The following COL5A2 variants were observed in gnomAD, a reference collection of about 807,000 sequenced individuals.
COL5A2 encodes collagen type V alpha 2 chain, also known as collagen alpha-2(V) chain.
Under a neutral mutation model 208.2 loss-of-function variants are expected in COL5A2, and 23 were observed. The ratio of observed to expected loss-of-function variants is 0.11; its 90% CI spans 0.08 to 0.16. The LOEUF is 0.16. COL5A2 is among the 10% of genes least tolerant of loss of function. The probability of loss-of-function intolerance (pLI) is 1.00; values close to 1 mark genes in which losing one functional copy is unlikely to be tolerated. For synonymous variants in COL5A2, 625 were observed against 628.5 expected, an observed-to-expected ratio of 0.99 and a Z score of 0.08; for missense variants, 1,590 against 1,956.4, an observed-to-expected ratio of 0.81 and a Z score of 3.53.
Position 189,058,433 on chromosome 2 carries a change from G to A in COL5A2, c.2225C>T (p.Pro742Leu), listed in dbSNP as rs370064453. Residue 742 changes from proline (P) to leucine (L), a missense_variant, in exon 33 of 54, where the codon CCA (proline) becomes CTA (leucine). Pro to Leu is a moderately conservative substitution (Grantham distance 98, BLOSUM62 -3). Coordinates refer to ENST00000374866, the MANE Select transcript of COL5A2 (RefSeq NM_000393.5). Reference protein sequence around the residue: ...GMAGGHGPDGPKGSPGPSGTP... With the variant: ...GMAGGHGPDGLKGSPGPSGTP... ...TGAGATCACTATGACACTTACTTTTGGGCCATCAGGACCATGTCCTCCAGC... is the reference window on the plus strand; with the variant it reads ...TGAGATCACTATGACACTTACTTTTAGGCCATCAGGACCATGTCCTCCAGC... The A allele has an allele frequency of 5.0e-6, 8 of 1,612,678 alleles. No individual in the cohort carries two copies. In the African/African-American group the frequency reaches 8.0e-5, roughly 16 times the overall value.
intron 6 of COL5A2, chr2:189,094,984 G>C (rs907754641): frequency 2.6e-5 from 4 of 151,962 alleles, no homozygotes; most frequent in South Asian, 2.1e-4. Context: ...AATTGTATGG[G>C]GGATGGCAGT....
chr2:189,077,978 A>G (rs901002682), intron 16 of COL5A2, among the ~76,000 whole-genome samples: 1 of 152,232 alleles, frequency 6.6e-6, no homozygotes, highest in Non-Finnish European at 1.5e-5. Context: ...TATGCCTCCT[A>G]TACAGGTTCA....
chr2:189,252,601 A>G, the COL5A2 span, among the ~76,000 whole-genome samples: 1 of 149,568 alleles, frequency 6.7e-6, no homozygotes, highest in Non-Finnish European at 1.5e-5. Context: ...ATCACACACC[A>G]GGGCCTGTTG....
intron 1 of COL5A2, among the ~76,000 whole-genome samples, chr2:189,194,169 A>G (rs1478158999): frequency 6.6e-6 from 1 of 152,186 alleles, no homozygotes; most frequent in Non-Finnish European, 1.5e-5. Context: ...TTAAGAGTAC[A>G]AAGGGCTCCT....
the COL5A2 span, among the ~76,000 whole-genome samples, chr2:189,307,871 C>CTT: frequency 2.0e-5 from 3 of 152,158 alleles, no homozygotes; most frequent in Admixed American, 1.3e-4. Context: ...TGCCCATGAT[C>CTT]TTTTTTATCC....
At chr2:189,343,691 C>G in the COL5A2 span, among the ~76,000 whole-genome samples, 1 of 152,122 alleles carries the variant, frequency 6.6e-6, no homozygotes, top group South Asian at 2.1e-4. Flanking sequence ...CTGAGAATAT[C>G]AGGTGTTCAT....
chr2:189,054,362 T>C (rs903943445), intron 35 of COL5A2, 150 bp from the exon 36 acceptor site: 3 of 638,452 alleles, frequency 4.7e-6, no homozygotes, highest in African/African-American at 1.8e-5. Context: ...ATATAATCTA[T>C]ATATTTTCAA....
chr2:189,045,319 T>C (rs1685642378), intron 46 of COL5A2, 87 bp from the exon 47 acceptor site: 14 of 805,992 alleles, frequency 1.7e-5, no homozygotes, highest in East Asian at 2.6e-5. Flanking sequence ...AATACGTTTA[T>C]AGTTGGATGC....
chr2:189,137,228 G>A (rs1011420211), intron 1 of COL5A2, among the ~76,000 whole-genome samples: 5 of 152,114 alleles, frequency 3.3e-5, no homozygotes, highest in African/African-American at 1.2e-4. Context: ...GTCTTTTATA[G>A]GAAATGACAA....
the COL5A2 span, among the ~76,000 whole-genome samples, chr2:189,377,423 C>T: frequency 6.6e-6 from 1 of 152,124 alleles, no homozygotes; most frequent in African/African-American, 2.4e-5. Flanking sequence ...GACTATTAAT[C>T]TCCCATAAAC....
chr2:189,211,721 A>G, intron 1 of COL5A2, among the ~76,000 whole-genome samples: 1 of 152,232 alleles, frequency 6.6e-6, no homozygotes, highest in East Asian at 1.9e-4. Flanking sequence ...ATTAAAAATG[A>G]AAATACTCAG....
At chr2:189,418,166 GA>G in the COL5A2 span, among the ~76,000 whole-genome samples, 1 of 151,528 alleles carries the variant, frequency 6.6e-6, no homozygotes, top group South Asian at 2.1e-4. Flanking sequence ...TGTAAAAGAA[GA>G]AAAAAAATGA....
chr2:189,318,608 C>T, the COL5A2 span, among the ~76,000 whole-genome samples: 2 of 152,152 alleles, frequency 1.3e-5, no homozygotes, highest in Non-Finnish European at 2.9e-5. Flanking sequence ...ATTAATAGTA[C>T]CTGATAGGTA....
At chr2:189,230,183 T>C (rs1689462784), upstream of COL5A2, among the ~76,000 whole-genome samples, 1 of 151,656 alleles carries the variant, frequency 6.6e-6, no homozygotes, top group Non-Finnish European at 1.5e-5. Flanking sequence ...CAAAAATCAA[T>C]GAAAAATTGA....
At chr2:189,133,114 C>CTTTTTTTTTTTTTTTTTTTT (rs751457732) in intron 1 of COL5A2, 1 of 63,428 alleles carries the variant, frequency 1.6e-5, no homozygotes, top group Non-Finnish European at 3.1e-5. Flanking sequence ...CCAAGTACGA[C>CTTTTTTTTTTTTTTTTTTTT]TTTTTTTTTT....
At chr2:189,400,898 A>G in the COL5A2 span, among the ~76,000 whole-genome samples, 2 of 152,228 alleles carry the variant, frequency 1.3e-5, no homozygotes, top group African/African-American at 2.4e-5. Context: ...TCGTATCCTT[A>G]TAATTCACTA....
At position 189,035,072 on chromosome 2, in the gene COL5A2, C is replaced by T. The variant is rs78870279; in HGVS notation, c.4197G>A (p.Gln1399=). 642 of 1,613,782 alleles carry T rather than the reference C, an allele frequency of 4.0e-4. 1 individual carries two copies. In the African/African-American group the frequency reaches 7.5e-3, roughly 19 times the overall value. The part of the protein sequence containing the change: ...FLRLLSKEAS[Q]NITYICKNSV... ...TGTTTTTACAGATGTAAGTGATGTT[C>T]TGGGAGGCTTCTTTTGATAAAAGGC... Residue 1399 remains glutamine, a synonymous_variant, in exon 53 of 54, where the codon CAG becomes CAA. Transcript: ENST00000374866.
At chr2:189,098,783 G>T (rs780196717) in intron 4 of COL5A2, 24 bp from the exon 5 acceptor site, 1 of 1,600,460 alleles carries the variant, frequency 6.2e-7, no homozygotes, top group Admixed American at 1.7e-5. Context: ...AAGAAAATTT[G>T]TAAAGGTAAA....
chr2:189,317,800 T>C, the COL5A2 span, among the ~76,000 whole-genome samples: 1 of 152,132 alleles, frequency 6.6e-6, no homozygotes. Flanking sequence ...GCATTATAGG[T>C]AAAACTTATT....
Sources: gnomAD v4.1 joint callset for allele counts (sites outside exome capture counted in the v4.1 genomes callset) on GRCh38, gnomAD v4.1.1 for gene constraint, MANE v1.5 for transcripts, NCBI Gene and HGNC (gene_info 2026-07-23, HGNC 2026-07-21) for gene names.